The following GLIS3 variants were observed in gnomAD, a reference collection of about 807,000 sequenced individuals.
The protein encoded by GLIS3 is GLIS family zinc finger 3, also known as zinc finger protein GLIS3.
GLIS3 carries 53 observed loss-of-function variants against 78.6 expected under a neutral mutation model. The observed-to-expected ratio is 0.67, with a 90% CI of 0.54 to 0.85. The LOEUF is 0.85. GLIS3 is among the 40% of genes least tolerant of loss of function. GLIS3 has a pLI of 0.00. For missense variants in GLIS3, 1,703 were observed against 1,231.1 expected, an observed-to-expected ratio of 1.38 and a Z score of -5.74; for synonymous variants, 684 against 509.9, an observed-to-expected ratio of 1.34 and a Z score of -4.60.
chr9:3,951,145 T>C (rs1363878090), intron 4 of GLIS3, among the ~76,000 whole-genome samples: 10 of 152,302 alleles, frequency 6.6e-5, no homozygotes, highest in South Asian at 2.1e-4. Context: ...ACCAGGGAGA[T>C]GAATAAATAG....
intron 2 of GLIS3, among the ~76,000 whole-genome samples, chr9:4,323,809 C>A (rs1293503391): frequency 3.9e-5 from 6 of 152,196 alleles, no homozygotes; most frequent in Non-Finnish European, 5.9e-5. Flanking sequence ...TAAAGCACAT[C>A]ATAGGGGCGC....
chr9:4,116,604 C>A (rs1439336350), intron 4 of GLIS3, among the ~76,000 whole-genome samples: 1 of 152,160 alleles, frequency 6.6e-6, no homozygotes, highest in Non-Finnish European at 1.5e-5. Context: ...TTTGCTTTTA[C>A]ATGAATAAGA....
rs1222904078 is a variant in GLIS3 at position 3,826,475 on chromosome 9, A to C, written c.*1797T>G. 6.6e-6 allele frequency: 1 copy of C among 152,212 alleles called. No individual in the cohort carries two copies. The highest frequency in any genetic ancestry group is 1.5e-5 in the Non-Finnish European group (1 of 68,022). The allele number at this position is 152,212 out of a possible 1,614,324, so 9.4% of individuals were successfully genotyped here. ...TTGTAAAGCAGAGCAGGTTTTTTAAAGTGGCTAACTCATCTCTTTTGCAGA... is the reference window on the plus strand; with the variant it reads ...TTGTAAAGCAGAGCAGGTTTTTTAACGTGGCTAACTCATCTCTTTTGCAGA... On this transcript the variant is annotated 3_prime_UTR_variant, in exon 11 of 11. Transcript: ENST00000381971.
the GLIS3 span, among the ~76,000 whole-genome samples, chr9:4,428,200 C>A: frequency 4.6e-5 from 7 of 151,738 alleles, no homozygotes; most frequent in African/African-American, 1.7e-4. Flanking sequence ...ATAATAAGGC[C>A]AGGTGTGGTG....
At chr9:3,949,266 C>G (rs1194349612) in intron 4 of GLIS3, among the ~76,000 whole-genome samples, 3 of 152,202 alleles carry the variant, frequency 2.0e-5, no homozygotes, top group Non-Finnish European at 2.9e-5. Context: ...TCATCAAAAT[C>G]TGAGCACAGC....
At position 4,271,077 on chromosome 9, in the gene GLIS3, A is replaced by C. The variant is rs80319503; in HGVS notation, c.388+14961T>G. On this transcript the variant is annotated intron_variant, in intron 2 of 10. Coordinates refer to ENST00000381971, the MANE Select transcript of GLIS3 (RefSeq NM_001042413.2). Reference sequence around the variant, plus strand: ...TCCTCAGCCTACTCAATGTGAAGACAATGAGAATGAAGAATTTTATGATGA... The same window carrying C: ...TCCTCAGCCTACTCAATGTGAAGACCATGAGAATGAAGAATTTTATGATGA... 3.7e-3 allele frequency among the ~76,000 whole-genome samples: 566 copies of C among 152,242 alleles called. 4 individuals carry two copies. Among genetic ancestry groups the C allele is most frequent in the African/African-American group, 0.013 (540 of 41,542 alleles).
chr9:4,447,975 C>G, the GLIS3 span, among the ~76,000 whole-genome samples: 4 of 152,262 alleles, frequency 2.6e-5, no homozygotes, highest in East Asian at 7.7e-4. Flanking sequence ...TGGTCTCAAA[C>G]TCTTGGGTTT....
At chr9:4,281,300 C>G (rs965227633) in intron 2 of GLIS3, among the ~76,000 whole-genome samples, 2 of 152,070 alleles carry the variant, frequency 1.3e-5, no homozygotes, top group African/African-American at 4.8e-5. Flanking sequence ...TAAAAGCGAT[C>G]GTCTTAATCA....
At chr9:4,071,919 T>C (rs1283706641) in intron 4 of GLIS3, 1 of 152,146 alleles carries the variant, frequency 6.6e-6, no homozygotes, top group Non-Finnish European at 1.5e-5. Context: ...CAATAGAATA[T>C]CAAGAAACAC....
intron 3 of GLIS3, among the ~76,000 whole-genome samples, chr9:4,122,766 C>T (rs1434173396): frequency 6.6e-6 from 1 of 152,210 alleles, no homozygotes; most frequent in Non-Finnish European, 1.5e-5. Flanking sequence ...TCTTCTACTA[C>T]TCAATGTTTG....
chr9:3,889,152 T>C (rs1298446415), intron 7 of GLIS3, among the ~76,000 whole-genome samples: 3 of 152,202 alleles, frequency 2.0e-5, no homozygotes, highest in Non-Finnish European at 4.4e-5. Context: ...TCTGATCTCT[T>C]TGCCAGCCTT....
the GLIS3 span, among the ~76,000 whole-genome samples, chr9:4,412,601 G>C: frequency 6.6e-6 from 1 of 152,170 alleles, no homozygotes; most frequent in African/African-American, 2.4e-5. Context: ...TTGGCACTGG[G>C]TGAAGGGCAA....
the GLIS3 span, among the ~76,000 whole-genome samples, chr9:4,427,536 T>C: frequency 5.9e-5 from 9 of 152,130 alleles, no homozygotes; most frequent in Admixed American, 3.3e-4. Context: ...TTCCCTGCCA[T>C]GTGACAAGAG....
At chr9:4,021,513 T>C (rs1003852513) in intron 4 of GLIS3, among the ~76,000 whole-genome samples, 3 of 152,174 alleles carry the variant, frequency 2.0e-5, no homozygotes, top group Non-Finnish European at 4.4e-5. Flanking sequence ...CTGCTTGATA[T>C]GTGGTAACTT....
chr9:4,435,238 C>G, the GLIS3 span, among the ~76,000 whole-genome samples: 53 of 152,278 alleles, frequency 3.5e-4, no homozygotes, highest in African/African-American at 1.3e-3. Flanking sequence ...CCTTTTCGCA[C>G]TCCCCAAATA....
At chr9:4,325,162 T>C (rs1011892835) in intron 2 of GLIS3, among the ~76,000 whole-genome samples, 7 of 152,194 alleles carry the variant, frequency 4.6e-5, no homozygotes, top group Non-Finnish European at 1.0e-4. Flanking sequence ...CACCACCCTC[T>C]CTATACTTGA....
rs987217557 is a variant in GLIS3, at chr9:3,933,000, C to T, written c.1873-530G>A. 7.8e-5 allele frequency: 18 copies of T among 231,264 alleles called. No individual in the cohort carries two copies. In the East Asian group the frequency reaches 1.6e-3, roughly 21 times the overall value. The allele number at this position is 231,264 out of a possible 1,614,324, so 14.3% of individuals were successfully genotyped here. On this transcript the variant is annotated intron_variant, in intron 5 of 10. Transcript: ENST00000381971. ...TAAGAGACAGTAGGTTTCAAACAGACACGTGAAAAATCTTCCAAAGAAGCA... is the reference window on the plus strand; with the variant it reads ...TAAGAGACAGTAGGTTTCAAACAGATACGTGAAAAATCTTCCAAAGAAGCA...
the GLIS3 span, among the ~76,000 whole-genome samples, chr9:4,418,528 G>A: frequency 6.6e-6 from 1 of 152,074 alleles, no homozygotes; most frequent in Non-Finnish European, 1.5e-5. Flanking sequence ...GTGAAGCCCC[G>A]TGTCTACTAA....
chr9:4,272,754 T>C (rs1408433984), intron 2 of GLIS3, among the ~76,000 whole-genome samples: 2 of 152,198 alleles, frequency 1.3e-5, no homozygotes, highest in East Asian at 1.9e-4. Flanking sequence ...TCCTTTCAAG[T>C]AGGTTGAATG....
Sources: gnomAD v4.1 joint callset for allele counts (sites outside exome capture counted in the v4.1 genomes callset) on GRCh38, gnomAD v4.1.1 for gene constraint, MANE v1.5 for transcripts, NCBI Gene and HGNC (gene_info 2026-07-23, HGNC 2026-07-21) for gene names.